The following MTAP variants were observed in gnomAD, a reference collection of about 807,000 sequenced individuals.
The protein encoded by MTAP is S-methyl-5'-thioadenosine phosphorylase.
MTAP carries 33 observed loss-of-function variants against 33.6 expected under a neutral mutation model. The observed-to-expected ratio is 0.98, with a 90% CI of 0.74 to 1.31. The LOEUF (loss-of-function observed/expected upper bound fraction) is 1.31, where lower values mean the gene tolerates loss of function less well. Ranked by LOEUF, MTAP falls within the 40% of genes most tolerant of loss-of-function variation. The pLI is 0.00. For synonymous variants in MTAP, 148 were observed against 125.7 expected (o/e 1.18, Z -1.19); for missense variants, 367 against 360.0 (o/e 1.02, Z -0.16).
At chr9:21,857,604 A>G (rs1409999172) in intron 6 of MTAP, among the ~76,000 whole-genome samples, 1 of 152,254 alleles carries the variant, frequency 6.6e-6, no homozygotes, top group Non-Finnish European at 1.5e-5. Flanking sequence ...CATATACAGA[A>G]GTAGCTAATA....
At chr9:21,894,561 C>T (rs898486383) in intron 1 of MTAP, among the ~76,000 whole-genome samples, 3 of 137,686 alleles carry the variant, frequency 2.2e-5, no homozygotes, top group African/African-American at 8.4e-5. Flanking sequence ...AACACTTGGA[C>T]ACAGGAAGGG....
chr9:21,905,697 A>G (rs1818465798), intron 1 of MTAP, among the ~76,000 whole-genome samples: 1 of 152,214 alleles, frequency 6.6e-6, no homozygotes, highest in Non-Finnish European at 1.5e-5. Context: ...GAGAGAAAGA[A>G]GGAGCTTCTG....
At chr9:21,908,680 T>G (rs545604274) in intron 1 of MTAP, among the ~76,000 whole-genome samples, 1 of 152,114 alleles carries the variant, frequency 6.6e-6, no homozygotes, top group African/African-American at 2.4e-5. Flanking sequence ...CTATTTGTTT[T>G]CTCTAGTTTT....
intron 4 of MTAP, among the ~76,000 whole-genome samples, chr9:21,821,991 T>C (rs1399357317): frequency 6.6e-6 from 1 of 152,212 alleles, no homozygotes; most frequent in Non-Finnish European, 1.5e-5. Context: ...TTTATCATTT[T>C]TTATTGCATC....
At chr9:21,810,047 A>T (rs1246290695) in intron 1 of MTAP, among the ~76,000 whole-genome samples, 1 of 152,230 alleles carries the variant, frequency 6.6e-6, no homozygotes, top group Non-Finnish European at 1.5e-5. Flanking sequence ...GCATCATCCA[A>T]GCTTCTCTGA....
intron 6 of MTAP, among the ~76,000 whole-genome samples, chr9:21,855,905 A>ATC (rs1825631468): frequency 6.6e-6 from 1 of 152,312 alleles, no homozygotes; most frequent in South Asian, 2.1e-4. Context: ...TAACCATGCC[A>ATC]TCATTGTACA....
chr9:21,831,557 C>T (rs539001700), intron 4 of MTAP, among the ~76,000 whole-genome samples: 120 of 152,080 alleles, frequency 7.9e-4, no homozygotes, highest in African/African-American at 2.7e-3. Context: ...AAACTCCTGG[C>T]CTCAAGCAGT....
At chr9:21,914,533 A>G (rs1818641698) in intron 1 of MTAP, among the ~76,000 whole-genome samples, 1 of 151,702 alleles carries the variant, frequency 6.6e-6, no homozygotes. Context: ...TCACAAGGAC[A>G]GAAAACCAAA....
chr9:21,803,023 CA>C, intron 1 of MTAP: 1 of 1,060,576 alleles, frequency 9.4e-7, no homozygotes, highest in African/African-American at 1.7e-5. Flanking sequence ...CACACACACA[CA>C]CACACACACA....
At chr9:21,905,017 G>A (rs1471022413) in intron 1 of MTAP, among the ~76,000 whole-genome samples, 3 of 152,276 alleles carry the variant, frequency 2.0e-5, no homozygotes, top group East Asian at 3.9e-4. Context: ...GCAGTGTCTA[G>A]AGTTGTTTAC....
chr9:21,850,720 A>G (rs1467324751), intron 5 of MTAP, among the ~76,000 whole-genome samples: 1 of 152,202 alleles, frequency 6.6e-6, no homozygotes, highest in African/African-American at 2.4e-5. Flanking sequence ...ACTTTTGACT[A>G]TGGGTCATCA....
Position 21,854,216 on chromosome 9 carries a change from C to G in MTAP, c.451-415C>G, listed in dbSNP as rs151117108. On this transcript the variant is annotated intron_variant, in intron 5 of 7. Coordinates refer to ENST00000644715, the MANE Select transcript of MTAP (RefSeq NM_002451.4). ...AGCCTGGAAATAGAACTCAACACAC[C>G]TGTTTGAGAAGATAAGCGACGAGAG... is the stretch of plus-strand genomic sequence containing the variant. 2.1e-3 allele frequency among the ~76,000 whole-genome samples: 315 copies of G among 152,300 alleles called. 3 individuals are homozygous for G. The highest frequency in any genetic ancestry group is 7.3e-3 in the African/African-American group (305 of 41,570).
intron 1 of MTAP, among the ~76,000 whole-genome samples, chr9:21,894,157 T>C (rs1039858676): frequency 5.3e-4 from 79 of 149,398 alleles, no homozygotes; most frequent in African/African-American, 1.8e-3. Context: ...TACCACATTA[T>C]CATTTCAATA....
chr9:21,835,640 T>A (rs7045659), intron 4 of MTAP, among the ~76,000 whole-genome samples: 1 of 152,130 alleles, frequency 6.6e-6, no homozygotes, highest in Non-Finnish European at 1.5e-5. Flanking sequence ...ATTTATCTGA[T>A]AGAGACCTTC....
intron 1 of MTAP, chr9:21,803,133 C>T: frequency 2.3e-6 from 1 of 444,190 alleles, no homozygotes; most frequent in Non-Finnish European, 3.8e-6. Flanking sequence ...CATGCCACCA[C>T]CATTCCTGAG....
In MTAP at chr9:21,852,674, A is replaced by G. The variant is rs565397612; in HGVS notation, c.451-1957A>G. 6.5e-4 allele frequency among the ~76,000 whole-genome samples: 99 copies of G among 151,814 alleles called. 1 individual carries two copies. Among genetic ancestry groups the G allele is most frequent in the East Asian group, 7.8e-4 (4 of 5,154 alleles). Reference sequence around the variant, plus strand: ...TACTAAAGAACTTATATACATCACAATAAACCACTTGCTCCCCAAAAACTA... The same window carrying G: ...TACTAAAGAACTTATATACATCACAGTAAACCACTTGCTCCCCAAAAACTA... On this transcript the variant is annotated intron_variant, in intron 5 of 7. Transcript: ENST00000644715.
chr9:21,903,143 G>A (rs1040418899), intron 1 of MTAP, among the ~76,000 whole-genome samples: 14 of 152,114 alleles, frequency 9.2e-5, no homozygotes, highest in Admixed American at 8.5e-4. Flanking sequence ...ATTGAATGGG[G>A]CCTGCTTTGT....
intron 1 of MTAP, among the ~76,000 whole-genome samples, chr9:21,917,987 G>A (rs1371451263): frequency 6.6e-6 from 1 of 152,198 alleles, no homozygotes; most frequent in East Asian, 1.9e-4. Context: ...AAGTAACTCA[G>A]GAATGGAAAA....
intron 1 of MTAP, among the ~76,000 whole-genome samples, chr9:21,810,227 G>A (rs1484199533): frequency 6.6e-6 from 1 of 152,162 alleles, no homozygotes; most frequent in Non-Finnish European, 1.5e-5. Context: ...TGCTTGGCTT[G>A]TACATGGCAA....
Sources: allele counts gnomAD v4.1 joint callset (sites outside exome capture counted in the v4.1 genomes callset), GRCh38; gene constraint gnomAD v4.1.1; transcripts MANE v1.5; gene names NCBI Gene and HGNC (gene_info 2026-07-23, HGNC 2026-07-21).